The following SDHAF2 variants were observed in gnomAD, a reference collection of about 807,000 sequenced individuals.
SDHAF2 encodes succinate dehydrogenase assembly factor 2, mitochondrial.
SDHAF2 carries 21 observed loss-of-function variants against 18.5 expected under a neutral mutation model. The observed-to-expected ratio is 1.13, with a 90% CI of 0.80 to 1.63. The LOEUF (loss-of-function observed/expected upper bound fraction) is 1.63. SDHAF2 is among the 40% of genes most tolerant of loss of function. The pLI is 0.00. For missense variants in SDHAF2, 195 were observed against 200.3 expected, an observed-to-expected ratio of 0.97 and a Z score of 0.16; for synonymous variants, 84 against 70.7, an observed-to-expected ratio of 1.19 and a Z score of -0.94.
At chr11:61,435,771 A>G (rs2134889844) in intron 1 of SDHAF2, 1 of 152,380 alleles carries the variant, frequency 6.6e-6, no homozygotes. Flanking sequence ...GCCATGTCCC[A>G]TCAGTGCCCC....
chr11:61,440,980 C>G (rs1253840423), intron 3 of SDHAF2, among the ~76,000 whole-genome samples: 1 of 152,040 alleles, frequency 6.6e-6, no homozygotes, highest in African/African-American at 2.4e-5. Flanking sequence ...GGCAAAGGAT[C>G]TCTTGAGGCC....
intron 1 of SDHAF2, chr11:61,436,859 C>T (rs1322932352): frequency 4.7e-6 from 6 of 1,287,408 alleles, no homozygotes; most frequent in Middle Eastern, 2.2e-4. Flanking sequence ...CTGAGGTCAC[C>T]ACCTTGACAT....
chr11:61,437,098 A>C, intron 1 of SDHAF2: 1 of 1,095,610 alleles, frequency 9.1e-7, no homozygotes, highest in Non-Finnish European at 1.1e-6. Context: ...TTTTAATTCT[A>C]ATTGCAGTTA....
intron 3 of SDHAF2, among the ~76,000 whole-genome samples, chr11:61,441,106 C>T (rs1237894281): frequency 6.6e-6 from 1 of 151,966 alleles, no homozygotes; most frequent in Non-Finnish European, 1.5e-5. Context: ...ATCACTTGAG[C>T]CCAGGAGTTC....
intron 1 of SDHAF2, among the ~76,000 whole-genome samples, 167 bp from the exon 2 acceptor site, chr11:61,437,458 T>C (rs920039388): frequency 1.2e-4 from 19 of 152,230 alleles, no homozygotes; most frequent in African/African-American, 4.6e-4. Flanking sequence ...CGCGTTGACC[T>C]CCCAAAGTGC....
intron 1 of SDHAF2, 139 bp downstream of exon 1, chr11:61,430,321 C>G (rs746135447): frequency 2.0e-6 from 2 of 1,011,694 alleles, no homozygotes; most frequent in African/African-American, 1.6e-5. Context: ...AGAGGCCGAT[C>G]CTGCAACTCA....
chr11:61,440,987 G>A (rs73494352), intron 3 of SDHAF2, among the ~76,000 whole-genome samples: 2,819 of 152,128 alleles, frequency 0.019, 96 homozygotes, highest in African/African-American at 0.064. Context: ...GATCTCTTGA[G>A]GCCAGGAGTT....
Position 61,430,168 on chromosome 11 carries a change from T to C in SDHAF2, c.22T>C (p.Ser8Pro). The C allele has an allele frequency of 1.2e-6, 2 of 1,614,218 alleles. No individual in the cohort carries two copies. The highest frequency in any genetic ancestry group is 1.7e-6 in the Non-Finnish European group (2 of 1,180,036). ...GAAAATGGCGGTGTCTACAGTGTTC[T>C]CGACTTCGTCGCTGGTGAGGAGAGA... MAVSTVF[S>P]TSSLMLALSR... is the part of the protein sequence containing the mutation. Residue 8 changes from serine (S) to proline (P), a missense_variant, in exon 1 of 4, where the codon TCG becomes CCG. By Grantham distance (74) the Ser-to-Pro change is moderately conservative. Coordinates refer to ENST00000301761, the MANE Select transcript of SDHAF2 (RefSeq NM_017841.4).
Position 61,430,153 on chromosome 11 carries a change from G to A in SDHAF2, c.7G>A (p.Val3Met), listed in dbSNP as rs149277592. 6.2e-7 allele frequency: 1 copy of A among 1,614,224 alleles called. No homozygotes were observed. The highest frequency in any genetic ancestry group is 8.5e-7 in the Non-Finnish European group (1 of 1,180,014). Residue 3 changes from valine (V) to methionine (M), a missense_variant, in exon 1 of 4, where the codon GTG becomes ATG. Physicochemically the swap from Val to Met is conservative, Grantham distance 21. Transcript: ENST00000301761. Reference sequence around the variant, plus strand: ...TCCGGTGCAGGTGGGGAAAATGGCGGTGTCTACAGTGTTCTCGACTTCGTC... The same window carrying A: ...TCCGGTGCAGGTGGGGAAAATGGCGATGTCTACAGTGTTCTCGACTTCGTC... MA[V>M]STVFSTSSLM...
chr11:61,441,201 C>T (rs1052141796), intron 3 of SDHAF2, among the ~76,000 whole-genome samples: 1 of 152,084 alleles, frequency 6.6e-6, no homozygotes, highest in African/African-American at 2.4e-5. Flanking sequence ...ATTCTTAGCT[C>T]ACAGGGCATA....
chr11:61,434,121 A>C (rs1299706925), intron 1 of SDHAF2: 2 of 152,166 alleles, frequency 1.3e-5, no homozygotes, highest in Non-Finnish European at 2.9e-5. Context: ...ATGTTAATTG[A>C]GATCTGTTAG....
chr11:61,441,520 CAA>C (rs1168050919), intron 3 of SDHAF2, among the ~76,000 whole-genome samples: 20 of 83,866 alleles, frequency 2.4e-4, no homozygotes, highest in Non-Finnish European at 2.7e-4. Context: ...GGCTCCATCT[CAA>C]AAAAAAAAAA....
chr11:61,445,790 A>G (rs1323460952), intron 3 of SDHAF2, 151 bp from the exon 4 acceptor site: 2 of 922,494 alleles, frequency 2.2e-6, no homozygotes, highest in African/African-American at 1.7e-5. Context: ...ACCCCCTGGT[A>G]TAGGCTAACA....
intron 1 of SDHAF2, chr11:61,432,047 G>A (rs1861939268): frequency 6.6e-6 from 1 of 152,184 alleles, no homozygotes; most frequent in Admixed American, 6.6e-5. Flanking sequence ...TGGATCGTGT[G>A]AGTCCTGGAG....
chr11:61,437,865 C>A lies in SDHAF2; in HGVS notation c.260+17C>A. 6.3e-7 allele frequency: 1 copy of A among 1,598,372 alleles called. No individual in the cohort carries two copies. Among genetic ancestry groups the A allele is most frequent in the South Asian group, 1.1e-5 (1 of 90,464 alleles). On this transcript the variant is annotated intron_variant, in intron 2 of 3. Transcript: ENST00000301761. ...TCTTCTTAGGTATGGGACTAGGAGT[C>A]TTTTTTTTTAAATCGGGCAGCTTCC...
At chr11:61,433,191 A>G (rs1269916797) in intron 1 of SDHAF2, 2 of 152,214 alleles carry the variant, frequency 1.3e-5, no homozygotes, top group African/African-American at 2.4e-5. Flanking sequence ...GGCGCCCGCC[A>G]CCATGCCTGG....
At chr11:61,445,186 C>T (rs781144992) in intron 3 of SDHAF2, among the ~76,000 whole-genome samples, 71 of 152,112 alleles carry the variant, frequency 4.7e-4, no homozygotes, top group Non-Finnish European at 2.5e-4. Flanking sequence ...CACATTGCCT[C>T]GGCTTTGGCA....
chr11:61,444,120 A>G (rs1286567773), intron 3 of SDHAF2: 2 of 152,214 alleles, frequency 1.3e-5, no homozygotes, highest in Admixed American at 6.5e-5. Context: ...TTGGCTTTTA[A>G]CAATTCATTG....
At chr11:61,437,567 A>G (rs999716986) in intron 1 of SDHAF2, 58 bp from the exon 2 acceptor site, 1 of 1,410,374 alleles carries the variant, frequency 7.1e-7, no homozygotes, top group Admixed American at 1.7e-5. Flanking sequence ...GCATTGAGTA[A>G]ATGATAGCGA....
Sources: allele counts gnomAD v4.1 joint callset (sites outside exome capture counted in the v4.1 genomes callset), GRCh38; gene constraint gnomAD v4.1.1; transcripts MANE v1.5; gene names NCBI Gene and HGNC (gene_info 2026-07-23, HGNC 2026-07-21).